The following SPTBN1 variants were observed in gnomAD, a reference collection of about 807,000 sequenced individuals.
SPTBN1 encodes the protein spectrin beta chain, non-erythrocytic 1.
In SPTBN1, 32 loss-of-function variants were observed where a neutral mutation model predicts 266.4. The observed-to-expected ratio is 0.12, with a 90% confidence interval of 0.09 to 0.16. SPTBN1 has a LOEUF of 0.16. Ranked by LOEUF, SPTBN1 falls within the 10% of genes least tolerant of loss-of-function variation. The pLI is 1.00. For missense variants in SPTBN1, 2,296 were observed against 3,067.1 expected (o/e 0.75, Z 5.94); for synonymous variants, 1,336 against 1,162.2 (o/e 1.15, Z -3.04).
At chr2:54,491,960 A>G (rs1217246545) in intron 1 of SPTBN1, among the ~76,000 whole-genome samples, 1 of 152,172 alleles carries the variant, frequency 6.6e-6, no homozygotes, top group African/African-American at 2.4e-5. Flanking sequence ...CCCTTAAAGA[A>G]ATAGGCAGCA....
At chr2:54,640,540 G>A (rs1679458061) in intron 18 of SPTBN1, among the ~76,000 whole-genome samples, 2 of 152,124 alleles carry the variant, frequency 1.3e-5, no homozygotes, top group Admixed American at 1.3e-4. Flanking sequence ...CATCATCTTT[G>A]TAGTGGTTTT....
At chr2:54,564,229 A>G (rs1459140680) in intron 2 of SPTBN1, among the ~76,000 whole-genome samples, 1 of 152,202 alleles carries the variant, frequency 6.6e-6, no homozygotes, top group East Asian at 1.9e-4. Flanking sequence ...CTTGGAGGCT[A>G]GTTATATAGA....
At chr2:54,652,286 A>T (rs1680351109) in intron 26 of SPTBN1, among the ~76,000 whole-genome samples, 1 of 152,206 alleles carries the variant, frequency 6.6e-6, no homozygotes, top group South Asian at 2.1e-4. Context: ...TTAAAGACAT[A>T]TACCGTTCCC....
chr2:54,530,843 T>C (rs1307326707), intron 2 of SPTBN1, among the ~76,000 whole-genome samples: 1 of 152,098 alleles, frequency 6.6e-6, no homozygotes, highest in Non-Finnish European at 1.5e-5. Context: ...ACCCATAAGG[T>C]GTCCCTTTTC....
At chr2:54,564,279 G>GTTTT (rs1673523602) in intron 2 of SPTBN1, among the ~76,000 whole-genome samples, 3 of 152,198 alleles carry the variant, frequency 2.0e-5, no homozygotes, top group Non-Finnish European at 4.4e-5. Context: ...GGAAAAGATA[G>GTTTT]CACTTTTCTT....
At chr2:54,665,029 C>T (rs888249420) in intron 33 of SPTBN1, among the ~76,000 whole-genome samples, 2 of 152,140 alleles carry the variant, frequency 1.3e-5, no homozygotes, top group Non-Finnish European at 2.9e-5. Flanking sequence ...TGTAAAAAGC[C>T]ATTAACCATT....
intron 1 of SPTBN1, among the ~76,000 whole-genome samples, chr2:54,524,849 G>T (rs759402709): frequency 1.3e-5 from 2 of 152,106 alleles, no homozygotes; most frequent in Admixed American, 6.5e-5. Flanking sequence ...TGATCTGTGC[G>T]TGACTCATTC....
chr2:54,631,814 G>C (rs542197078), intron 16 of SPTBN1, among the ~76,000 whole-genome samples: 2 of 152,332 alleles, frequency 1.3e-5, no homozygotes, highest in South Asian at 4.1e-4. Context: ...GTTGCCATAA[G>C]AGCTGCTTTG....
chr2:54,563,001 T>C lies in SPTBN1; in HGVS notation c.149-36091T>C, dbSNP rs1225692734. On this transcript the variant is annotated intron_variant, in intron 2 of 35. Transcript: ENST00000356805. ...TCAGAGCTTTCTATATGGAATTTTG[T>C]CTGGTCTTTATAACATACCTGTGAA... is the stretch of plus-strand genomic sequence containing the variant. Among the ~76,000 whole-genome samples the C allele has an allele frequency of 3.9e-5, 6 of 152,184 alleles. 1 individual carries two copies. The highest frequency in any genetic ancestry group is 1.4e-4 in the African/African-American group (6 of 41,438).
chr2:54,640,851 C>G (rs1051197537), intron 18 of SPTBN1, among the ~76,000 whole-genome samples: 2 of 152,206 alleles, frequency 1.3e-5, no homozygotes, highest in Admixed American at 6.5e-5. Flanking sequence ...CACGCCTGGC[C>G]GGTAGTGTTA....
intron 32 of SPTBN1, chr2:54,663,962 T>C (rs1283166832): frequency 1.3e-5 from 2 of 152,596 alleles, no homozygotes; most frequent in African/African-American, 2.4e-5. Flanking sequence ...AACCGAGGTC[T>C]TTCCTTGTCT....
At chr2:54,612,381 A>C in intron 4 of SPTBN1, 47 bp downstream of exon 4, 22 of 1,558,598 alleles carry the variant, frequency 1.4e-5, no homozygotes, top group Non-Finnish European at 1.9e-5. Context: ...CCGACCTCTC[A>C]GGTATGAGCA....
In SPTBN1 at chr2:54,653,971, G is replaced by GT; in HGVS notation, c.5822+119dup. The GT allele has an allele frequency of 6.9e-7, 1 of 1,455,350 alleles. No homozygotes were observed. The highest frequency in any genetic ancestry group is 2.7e-5 in the Admixed American group (1 of 36,396). The allele number at this position is 1,455,350 out of a possible 1,614,324, so 90.2% of individuals were successfully genotyped here. On this transcript the variant is annotated intron_variant, in intron 27 of 35. Transcript: ENST00000356805. The surrounding 1 kb of genome is among the most constrained non-coding windows in gnomAD (Gnocchi z 5.1). ...CCTGCCTGAGCGCTTCAAGGCCAGA[G>GT]TGGGGGTGGGGCGGTGCTTGGAGTG...
intron 2 of SPTBN1, among the ~76,000 whole-genome samples, chr2:54,576,041 T>C (rs1184744028): frequency 1.4e-5 from 2 of 146,236 alleles, no homozygotes; most frequent in South Asian, 2.2e-4. Context: ...TTTCCTTTTG[T>C]CACTCAGATC....
chr2:54,579,478 G>A (rs1419503621), intron 2 of SPTBN1, among the ~76,000 whole-genome samples: 2 of 152,196 alleles, frequency 1.3e-5, no homozygotes, highest in Non-Finnish European at 2.9e-5. Context: ...CCCCCAATGA[G>A]GGGTAGTTCG....
chr2:54,665,972 T>C lies in SPTBN1; in HGVS notation c.6717T>C (p.Asp2239=), dbSNP rs1681341276. ...INNQEMGFYK[D]AKTAASGIPY... ...ACCAAGAAATGGGTTTCTACAAAGA[T>C]GCAAAGACTGCTGCTTCTGGAATTC... The change falls in exon 34 of 36, where the codon GAT becomes GAC. Residue 2239 remains aspartate, a synonymous_variant. Transcript: ENST00000356805. 2 of 1,614,058 alleles carry C rather than the reference T, an allele frequency of 1.2e-6. No individual in the cohort carries two copies. The highest frequency in any genetic ancestry group is 1.7e-6 in the Non-Finnish European group (2 of 1,180,046).
Position 54,669,251 on chromosome 2 carries a change from T to TA in SPTBN1, c.*682_*683insA, listed in dbSNP as rs1279359412. 6.6e-6 allele frequency: 1 copy of TA among 151,832 alleles called. No homozygotes were observed. The highest frequency in any genetic ancestry group is 1.9e-4 in the East Asian group (1 of 5,180). The allele number at this position is 151,832 out of a possible 1,614,324, so 9.4% of individuals were successfully genotyped here. On this transcript the variant is annotated 3_prime_UTR_variant, in exon 36 of 36. Transcript: ENST00000356805. The stretch of plus-strand genomic sequence containing the variant: ...AATCTGTAATTTCAATTTTTTTTTT[T>TA]TGCTGAAATACATTATATTGTACGT...
intron 8 of SPTBN1, among the ~76,000 whole-genome samples, chr2:54,621,716 T>C (rs1219911076): frequency 1.3e-5 from 2 of 152,226 alleles, no homozygotes; most frequent in Non-Finnish European, 2.9e-5. Context: ...ATCTGGGGGC[T>C]ATCTCAAACC....
At chr2:54,563,354 C>A (rs1309069920) in intron 2 of SPTBN1, among the ~76,000 whole-genome samples, 1 of 152,106 alleles carries the variant, frequency 6.6e-6, no homozygotes, top group African/African-American at 2.4e-5. Context: ...TCTGATCTTT[C>A]TGGAGAAGGT....
Sources: allele counts gnomAD v4.1 joint callset (sites outside exome capture counted in the v4.1 genomes callset), GRCh38; gene constraint gnomAD v4.1.1; non-coding constraint Gnocchi (gnomAD v3.1); transcripts MANE v1.5; gene names NCBI Gene and HGNC (gene_info 2026-07-23, HGNC 2026-07-21).